The following SHTN1 variants were observed in gnomAD, a reference collection of about 807,000 sequenced individuals.
SHTN1 encodes the protein shootin-1.
In SHTN1, 42 loss-of-function variants were observed where a neutral mutation model predicts 83.1. The observed-to-expected ratio is 0.51, with a 90% CI of 0.39 to 0.65. SHTN1 has a LOEUF of 0.65. SHTN1 is among the 30% of genes least tolerant of loss of function. The pLI, the probability that SHTN1 is intolerant of heterozygous loss-of-function variation, is 0.00. For synonymous variants in SHTN1, 224 were observed against 247.7 expected (o/e 0.90, Z 0.90); for missense variants, 622 against 737.8 (o/e 0.84, Z 1.82).
At chr10:117,050,790 G>A (rs1028169127) in intron 1 of SHTN1, among the ~76,000 whole-genome samples, 10 of 152,014 alleles carry the variant, frequency 6.6e-5, no homozygotes, top group African/African-American at 1.9e-4. Flanking sequence ...TTGGTGGCTC[G>A]CACCTGTAAT....
chr10:117,113,852 T>C (rs2133640974), intron 1 of SHTN1, among the ~76,000 whole-genome samples: 1 of 152,076 alleles, frequency 6.6e-6, no homozygotes, highest in African/African-American at 2.4e-5. Flanking sequence ...TCAAGACCAG[T>C]CTGACCAACA....
At chr10:116,896,099 A>G (rs572535598) in intron 16 of SHTN1, among the ~76,000 whole-genome samples, 4 of 152,182 alleles carry the variant, frequency 2.6e-5, no homozygotes, top group Non-Finnish European at 5.9e-5. Context: ...GTGAATATAT[A>G]CTGATAAAGA....
At chr10:116,987,721 C>A (rs1383423746) in intron 1 of SHTN1, among the ~76,000 whole-genome samples, 1 of 152,100 alleles carries the variant, frequency 6.6e-6, no homozygotes, top group Admixed American at 6.5e-5. Flanking sequence ...TCGAGACCAT[C>A]ATGGCCAACA....
chr10:117,084,463 A>G (rs557202386), intron 1 of SHTN1, among the ~76,000 whole-genome samples: 1 of 152,322 alleles, frequency 6.6e-6, no homozygotes, highest in East Asian at 1.9e-4. Context: ...GGGTCATTTA[A>G]GTCTGCAGAG....
intron 1 of SHTN1, among the ~76,000 whole-genome samples, chr10:117,073,060 C>A (rs542497751): frequency 7.2e-5 from 11 of 152,154 alleles, no homozygotes; most frequent in Admixed American, 1.3e-4. Flanking sequence ...TACAGAAATG[C>A]AAAATGCTCT....
intron 3 of SHTN1, among the ~76,000 whole-genome samples, chr10:116,963,973 G>GTT (rs34054568): frequency 0.54 from 78,894 of 145,780 alleles, 23,344 homozygotes; most frequent in Middle Eastern, 0.68. Context: ...TAGGGTAACT[G>GTT]TTTTTTTTTT....
rs1233263962 is a variant in SHTN1 at position 116,884,300 on chromosome 10, G to A, written c.*2044C>T. 2.2e-6 allele frequency: 1 copy of A among 456,346 alleles called. No individual in the cohort carries two copies. Among genetic ancestry groups the A allele is most frequent in the Admixed American group, 2.3e-5 (1 of 42,646 alleles). The allele number at this position is 456,346 out of a possible 1,614,324, so 28.3% of individuals were successfully genotyped here. A position where few individuals can be genotyped will look rare whatever the true frequency, so the allele number is the denominator to read the frequency against. Reference sequence around the variant, plus strand: ...GGGGCAAAACCCCCTCAAAACCAAAGTGAAAAGGGAAAAACTGTAGGCAGA... The same window carrying A: ...GGGGCAAAACCCCCTCAAAACCAAAATGAAAAGGGAAAAACTGTAGGCAGA... On this transcript the variant is annotated 3_prime_UTR_variant, in exon 17 of 17. Transcript: ENST00000355371.
chr10:117,039,649 C>G (rs191643563), intron 2 of SHTN1, among the ~76,000 whole-genome samples: 11 of 151,964 alleles, frequency 7.2e-5, no homozygotes. Context: ...GTCAGGAGAT[C>G]AAGACCATCC....
intron 2 of SHTN1, among the ~76,000 whole-genome samples, chr10:117,044,453 A>C (rs186887016): frequency 6.6e-6 from 1 of 152,342 alleles, no homozygotes; most frequent in Admixed American, 6.5e-5. Context: ...TAACATTGTT[A>C]ACAATGATGT....
chr10:117,052,580 T>C (rs1419293451), intron 1 of SHTN1, among the ~76,000 whole-genome samples: 1 of 152,118 alleles, frequency 6.6e-6, no homozygotes, highest in Non-Finnish European at 1.5e-5. Context: ...AGGATGGATA[T>C]ATAGATCGAT....
intron 1 of SHTN1, among the ~76,000 whole-genome samples, chr10:117,099,347 A>T (rs1354469812): frequency 2.0e-5 from 3 of 151,476 alleles, no homozygotes; most frequent in Non-Finnish European, 4.4e-5. Flanking sequence ...CATCTATATA[A>T]CCAAAAAAAA....
intron 16 of SHTN1, chr10:116,900,634 G>A: frequency 1.3e-6 from 2 of 1,518,464 alleles, no homozygotes; most frequent in Non-Finnish European, 1.8e-6. Flanking sequence ...TTTGTGTCTG[G>A]ATATTGGTTC....
chr10:117,097,196 T>C (rs894905238), intron 1 of SHTN1, among the ~76,000 whole-genome samples: 1 of 152,228 alleles, frequency 6.6e-6, no homozygotes, highest in Admixed American at 6.5e-5. Context: ...TTGAGACATT[T>C]GTTTTTTCTG....
At chr10:116,996,069 A>T (rs1308055212) in intron 1 of SHTN1, among the ~76,000 whole-genome samples, 5 of 152,220 alleles carry the variant, frequency 3.3e-5, no homozygotes, top group African/African-American at 1.2e-4. Flanking sequence ...TGCTGCATTT[A>T]TGTAAATAAT....
chr10:117,004,824 G>T (rs1293581078), intron 1 of SHTN1, among the ~76,000 whole-genome samples, 198 bp downstream of exon 1: 1 of 152,196 alleles, frequency 6.6e-6, no homozygotes, highest in Non-Finnish European at 1.5e-5. Context: ...CCGACACTCC[G>T]CGTTATCCTC....
At chr10:116,934,013 T>G (rs1450507192) in intron 9 of SHTN1, among the ~76,000 whole-genome samples, 1 of 151,632 alleles carries the variant, frequency 6.6e-6, no homozygotes, top group Non-Finnish European at 1.5e-5. Flanking sequence ...TTTGATGAGA[T>G]TTTTTTTTCT....
chr10:116,890,082 T>C (rs552190331), intron 16 of SHTN1, among the ~76,000 whole-genome samples: 1 of 152,314 alleles, frequency 6.6e-6, no homozygotes, highest in African/African-American at 2.4e-5. Flanking sequence ...GGGTTAAATA[T>C]GAAGCTTCTC....
At chr10:117,095,785 T>C (rs536669333) in intron 1 of SHTN1, among the ~76,000 whole-genome samples, 8 of 152,332 alleles carry the variant, frequency 5.3e-5, no homozygotes, top group Middle Eastern at 6.8e-3. Flanking sequence ...CAGGTCTCTT[T>C]TTCTTTTCCC....
In SHTN1 at chr10:116,992,387, G is replaced by A. The variant is rs568892395; in HGVS notation, c.58+12635C>T. On this transcript the variant is annotated intron_variant, in intron 1 of 16. Coordinates refer to ENST00000355371, the MANE Select transcript of SHTN1 (RefSeq NM_001127211.3). ...TGCAAATTGTTTACAAAAATAGGAC[G>A]TGCCTCTAAAAGCAATTCAAAGCCC... Among the ~76,000 whole-genome samples the A allele has an allele frequency of 6.0e-4, 91 of 152,248 alleles. 1 individual carries two copies. The South Asian group carries it at 0.017, about 29-fold the overall frequency.
Sources: allele counts gnomAD v4.1 joint callset (sites outside exome capture counted in the v4.1 genomes callset), GRCh38; gene constraint gnomAD v4.1.1; transcripts MANE v1.5; gene names NCBI Gene and HGNC (gene_info 2026-07-23, HGNC 2026-07-21).